Variants in ATP8A2 observed in about 807,000 individuals in gnomAD.
The protein encoded by ATP8A2 is ATPase phospholipid transporting 8A2.
ATP8A2 carries 100 observed loss-of-function variants against 165.6 expected under a neutral mutation model. That is an observed-to-expected ratio of 0.60 (90% CI 0.51 to 0.71). ATP8A2 has a LOEUF of 0.71. Ranked by LOEUF, ATP8A2 falls within the 30% of genes least tolerant of loss-of-function variation. The pLI, the probability that ATP8A2 is intolerant of heterozygous loss-of-function variation, is 0.00. For missense variants in ATP8A2, 1,227 were observed against 1,479.5 expected (o/e 0.83, Z 2.80); for synonymous variants, 543 against 548.8 (o/e 0.99, Z 0.15).
intron 33 of ATP8A2, among the ~76,000 whole-genome samples, chr13:25,889,482 C>T (rs1029525707): frequency 3.3e-5 from 5 of 151,958 alleles, no homozygotes; most frequent in Non-Finnish European, 7.4e-5. Context: ...ACCCTATTCA[C>T]ACTTGCTTGA....
At chr13:25,912,159 C>G (rs1206496382) in intron 33 of ATP8A2, among the ~76,000 whole-genome samples, 3 of 98,912 alleles carry the variant, frequency 3.0e-5, no homozygotes, top group South Asian at 2.7e-4. Flanking sequence ...ATGTGAGACA[C>G]ACACACACAC....
intron 33 of ATP8A2, among the ~76,000 whole-genome samples, chr13:25,920,079 C>T (rs142017320): frequency 2.3e-4 from 35 of 152,298 alleles, no homozygotes; most frequent in Middle Eastern, 3.4e-3. Flanking sequence ...TGAACCACTG[C>T]GACCAGCGTT....
At chr13:25,736,908 G>A (rs555716966) in intron 25 of ATP8A2, among the ~76,000 whole-genome samples, 1 of 152,250 alleles carries the variant, frequency 6.6e-6, no homozygotes, top group East Asian at 1.9e-4. Flanking sequence ...AGAAAAATGA[G>A]ATAACTATCG....
At chr13:25,429,623 A>T (rs957758944) in intron 1 of ATP8A2, among the ~76,000 whole-genome samples, 2 of 152,104 alleles carry the variant, frequency 1.3e-5, no homozygotes, top group Admixed American at 1.3e-4. Context: ...CGTGTGGGAA[A>T]CCCGGTGGTT....
chr13:25,871,862 A>C (rs1253146118), intron 33 of ATP8A2, among the ~76,000 whole-genome samples: 1 of 152,118 alleles, frequency 6.6e-6, no homozygotes, highest in Non-Finnish European at 1.5e-5. Flanking sequence ...ATACTTTTTT[A>C]GTGACTGAAA....
chr13:25,551,734 AGTAT>A (rs895556260), intron 11 of ATP8A2, among the ~76,000 whole-genome samples: 1 of 152,174 alleles, frequency 6.6e-6, no homozygotes, highest in African/African-American at 2.4e-5. Context: ...TCTGTGTTAA[AGTAT>A]TTTCTTAGTG....
chr13:25,574,719 A>T, intron 18 of ATP8A2, 89 bp from the exon 19 acceptor site: 1 of 795,020 alleles, frequency 1.3e-6, no homozygotes, highest in Non-Finnish European at 2.3e-6. Flanking sequence ...GAGAGAGAGC[A>T]TATATATGTC....
chr13:25,547,697 T>A (rs1203318697), intron 10 of ATP8A2, among the ~76,000 whole-genome samples: 1 of 152,182 alleles, frequency 6.6e-6, no homozygotes, highest in Non-Finnish European at 1.5e-5. Flanking sequence ...AAAATTGTCT[T>A]CCACGAAACC....
chr13:25,796,438 A>G (rs1411562324), intron 27 of ATP8A2, among the ~76,000 whole-genome samples: 1 of 152,208 alleles, frequency 6.6e-6, no homozygotes, highest in South Asian at 2.1e-4. Context: ...TCTTCACTGC[A>G]TAGGGGCCGT....
intron 24 of ATP8A2, among the ~76,000 whole-genome samples, chr13:25,631,989 CG>C (rs2041251948): frequency 6.6e-6 from 1 of 152,124 alleles, no homozygotes; most frequent in South Asian, 2.1e-4. Context: ...AGGCTCTCCC[CG>C]ACCTTAGAAT....
chr13:25,397,140 C>A (rs1036852725), intron 1 of ATP8A2, among the ~76,000 whole-genome samples: 1 of 152,202 alleles, frequency 6.6e-6, no homozygotes, highest in Non-Finnish European at 1.5e-5. Context: ...GTCAGTGCCT[C>A]CTTATCTCAG....
chr13:25,495,027 T>C (rs1450475827), intron 2 of ATP8A2, among the ~76,000 whole-genome samples: 1 of 152,228 alleles, frequency 6.6e-6, no homozygotes, highest in African/African-American at 2.4e-5. Flanking sequence ...TCCGCAGATT[T>C]CCCTGTGGCC....
intron 27 of ATP8A2, among the ~76,000 whole-genome samples, chr13:25,808,538 G>T (rs909372990): frequency 2.0e-5 from 3 of 151,332 alleles, no homozygotes; most frequent in Non-Finnish European, 4.4e-5. Context: ...GGCAGAGGTT[G>T]CAGTGAACCG....
intron 27 of ATP8A2, among the ~76,000 whole-genome samples, chr13:25,782,950 A>G (rs4770879): frequency 0.51 from 76,839 of 151,962 alleles, 20,305 homozygotes; most frequent in South Asian, 0.62. Flanking sequence ...CATGTTGGCC[A>G]GGCTGATCTC....
intron 1 of ATP8A2, among the ~76,000 whole-genome samples, chr13:25,384,341 A>C (rs1318110719): frequency 1.3e-5 from 2 of 152,188 alleles, no homozygotes; most frequent in Non-Finnish European, 2.9e-5. Flanking sequence ...AAGATCTTGC[A>C]ATCTGACACT....
intron 30 of ATP8A2, among the ~76,000 whole-genome samples, chr13:25,858,788 C>G (rs1010166830): frequency 1.3e-5 from 2 of 152,122 alleles, no homozygotes; most frequent in African/African-American, 4.8e-5. Flanking sequence ...AGAATAAAAC[C>G]AAATGCCACA....
intron 27 of ATP8A2, among the ~76,000 whole-genome samples, chr13:25,818,301 T>G (rs564294043): frequency 9.2e-5 from 14 of 152,334 alleles, no homozygotes; most frequent in Middle Eastern, 3.4e-3. Context: ...TTTTTTGGTG[T>G]GCTTATGTGC....
rs2043088117 is a variant in ATP8A2, at chr13:25,707,999, AGCTCAC to A, written c.2384+8655_2384+8660del. ...GGGGACCCTTGTGAGACACCAGAAG[AGCTCAC>A]AGACACATGACTTTTCAAGACTTTT... On this transcript the variant is annotated intron_variant, in intron 25 of 36. Coordinates refer to ENST00000381655, the MANE Select transcript of ATP8A2 (RefSeq NM_016529.6). 2.0e-5 allele frequency among the ~76,000 whole-genome samples: 3 copies of A among 152,282 alleles called. No individual in the cohort carries two copies. The East Asian group carries it at 5.8e-4, about 29-fold the overall frequency.
At chr13:25,427,000 A>G (rs1368072710) in intron 1 of ATP8A2, among the ~76,000 whole-genome samples, 1 of 152,136 alleles carries the variant, frequency 6.6e-6, no homozygotes, top group Non-Finnish European at 1.5e-5. Context: ...ATCACTTGTA[A>G]CAAATGTAAA....
Sources: gnomAD v4.1 joint callset for allele counts (sites outside exome capture counted in the v4.1 genomes callset) on GRCh38, gnomAD v4.1.1 for gene constraint, MANE v1.5 for transcripts, NCBI Gene and HGNC (gene_info 2026-07-23, HGNC 2026-07-21) for gene names.